The following DRC11 variants were observed in gnomAD, a reference collection of about 807,000 sequenced individuals.
DRC11 encodes IQ and AAA domain-containing protein 1.
the DRC11 span, among the ~76,000 whole-genome samples, chr2:236,377,681 T>A: frequency 1.3e-5 from 2 of 152,214 alleles, no homozygotes; most frequent in Non-Finnish European, 1.5e-5. The surrounding 1 kb of genome is among the most constrained non-coding windows in gnomAD (Gnocchi z 4.9). Context: ...ATAATTCTTA[T>A]ATGGAAGATA....
At chr2:236,424,790 T>C in the DRC11 span, among the ~76,000 whole-genome samples, 2 of 152,008 alleles carry the variant, frequency 1.3e-5, no homozygotes, top group Admixed American at 6.5e-5. Flanking sequence ...TCTGTACCCT[T>C]TGACCAACAT....
the DRC11 span, chr2:236,503,535 G>T: frequency 8.4e-7 from 1 of 1,191,904 alleles, no homozygotes; most frequent in Non-Finnish European, 1.2e-6. This position sits in a 1 kb window ranked among gnomAD's most constrained non-coding sequence, Gnocchi z 4.9. Context: ...ACTGCAGTCT[G>T]TCTGGGGAAT....
the DRC11 span, among the ~76,000 whole-genome samples, chr2:236,421,271 G>C: frequency 1.3e-5 from 2 of 152,116 alleles, no homozygotes; most frequent in African/African-American, 4.8e-5. Context: ...GAATCCACGA[G>C]CTGGTTTTTT....
the DRC11 span, among the ~76,000 whole-genome samples, chr2:236,484,782 T>C: frequency 6.6e-6 from 1 of 152,218 alleles, no homozygotes; most frequent in Non-Finnish European, 1.5e-5. Flanking sequence ...TGGGTCTCTT[T>C]TCTTTCGTTA....
the DRC11 span, chr2:236,377,113 A>C: frequency 1.2e-6 from 2 of 1,600,956 alleles, no homozygotes; most frequent in Non-Finnish European, 1.7e-6. This position sits in a 1 kb window ranked among gnomAD's most constrained non-coding sequence, Gnocchi z 4.9. Context: ...CAATGTAATC[A>C]GAGAGGTTGA....
the DRC11 span, among the ~76,000 whole-genome samples, chr2:236,506,923 A>C: frequency 4.8e-3 from 729 of 152,336 alleles, 4 homozygotes; most frequent in Non-Finnish European, 8.5e-3. This position sits in a 1 kb window ranked among gnomAD's most constrained non-coding sequence, Gnocchi z 4.9. Flanking sequence ...AAAGATTAAC[A>C]AAAAAAGCAG....
chr2:236,341,719 T>C, the DRC11 span, among the ~76,000 whole-genome samples: 22,629 of 152,068 alleles, frequency 0.15, 2,134 homozygotes, highest in Non-Finnish European at 0.22. Context: ...AAGCTGGTGG[T>C]TTCCCCCCCA....
At chr2:236,473,576 A>G in the DRC11 span, among the ~76,000 whole-genome samples, 2 of 152,336 alleles carry the variant, frequency 1.3e-5, no homozygotes, top group South Asian at 4.1e-4. This position sits in a 1 kb window ranked among gnomAD's most constrained non-coding sequence, Gnocchi z 4.8. Context: ...CTTCAGGGTA[A>G]CATAAAATAT....
the DRC11 span, among the ~76,000 whole-genome samples, chr2:236,356,929 T>TCATAA: frequency 7.0e-6 from 1 of 142,256 alleles, no homozygotes; most frequent in African/African-American, 2.6e-5. Flanking sequence ...TATTCATATA[T>TCATAA]ATTTATATAT....
the DRC11 span, among the ~76,000 whole-genome samples, chr2:236,452,825 C>T: frequency 4.6e-5 from 7 of 152,258 alleles, no homozygotes; most frequent in African/African-American, 1.2e-4. The surrounding 1 kb of genome is among the most constrained non-coding windows in gnomAD (Gnocchi z 4.7). Context: ...CCTACAGGAA[C>T]CTCCCCATCC....
the DRC11 span, among the ~76,000 whole-genome samples, chr2:236,417,420 C>G: frequency 6.6e-6 from 1 of 152,090 alleles, no homozygotes; most frequent in South Asian, 2.1e-4. Flanking sequence ...GTCAGAACAT[C>G]CTTGTAACAT....
At chr2:236,357,467 A>G in the DRC11 span, among the ~76,000 whole-genome samples, 59 of 126,716 alleles carry the variant, frequency 4.7e-4, no homozygotes, top group African/African-American at 1.7e-3. Context: ...ATATTTACAT[A>G]TTACATGTAT....
chr2:236,472,897 T>A, the DRC11 span, among the ~76,000 whole-genome samples: 1 of 152,160 alleles, frequency 6.6e-6, no homozygotes, highest in Non-Finnish European at 1.5e-5. The surrounding 1 kb of genome is among the most constrained non-coding windows in gnomAD (Gnocchi z 4.6). Flanking sequence ...TGCCTGGTTC[T>A]CCCTCAATGC....
At chr2:236,395,978 G>A in the DRC11 span, among the ~76,000 whole-genome samples, 3 of 152,132 alleles carry the variant, frequency 2.0e-5, no homozygotes, top group Non-Finnish European at 2.9e-5. Context: ...ACAGTTGTAC[G>A]GTAGAACACA....
the DRC11 span, among the ~76,000 whole-genome samples, chr2:236,501,978 CA>C: frequency 6.6e-6 from 1 of 152,178 alleles, no homozygotes; most frequent in Non-Finnish European, 1.5e-5. Context: ...AACAGTCCAG[CA>C]AAACCCCAGC....
At chr2:236,440,673 C>A in the DRC11 span, among the ~76,000 whole-genome samples, 3 of 152,138 alleles carry the variant, frequency 2.0e-5, no homozygotes, top group East Asian at 5.8e-4. Flanking sequence ...GTGGCATGAG[C>A]CAGAAGCACA....
At chr2:236,357,170 A>ATTATATATTCG in the DRC11 span, among the ~76,000 whole-genome samples, 1 of 82,830 alleles carries the variant, frequency 1.2e-5, no homozygotes, top group Non-Finnish European at 2.4e-5. Flanking sequence ...ATATATATCT[A>ATTATATATTCG]TATATTATAT....
At chr2:236,491,046 G>GTATA in the DRC11 span, among the ~76,000 whole-genome samples, 18 of 128,242 alleles carry the variant, frequency 1.4e-4, no homozygotes, top group Middle Eastern at 4.6e-3. Flanking sequence ...TATATATACA[G>GTATA]TATATATATA....
the DRC11 span, among the ~76,000 whole-genome samples, chr2:236,453,578 C>T: frequency 1.9e-4 from 29 of 152,272 alleles, no homozygotes; most frequent in South Asian, 5.2e-3. This position sits in a 1 kb window ranked among gnomAD's most constrained non-coding sequence, Gnocchi z 4.9. Context: ...TCCCCAGCTA[C>T]GGTGACTGCA....
Sources: gnomAD v4.1 joint callset for allele counts (sites outside exome capture counted in the v4.1 genomes callset) on GRCh38, gnomAD v4.1.1 for gene constraint, Gnocchi (gnomAD v3.1) non-coding constraint, MANE v1.5 for transcripts, NCBI Gene and HGNC (gene_info 2026-07-23, HGNC 2026-07-21) for gene names.